Variants in KPNA6 observed in about 807,000 individuals in gnomAD.
KPNA6 encodes karyopherin subunit alpha 6, also known as importin subunit alpha-7.
KPNA6 carries 9 observed loss-of-function variants against 72.0 expected under a neutral mutation model. The observed-to-expected ratio is 0.13, with a 90% CI of 0.08 to 0.22. The LOEUF is 0.22. KPNA6 is among the 10% of genes least tolerant of loss of function. The probability of loss-of-function intolerance (pLI) is 1.00; values close to 1 mark genes in which losing one functional copy is unlikely to be tolerated. For synonymous variants in KPNA6, 219 were observed against 242.1 expected (o/e 0.90, Z 0.89); for missense variants, 374 against 655.7 (o/e 0.57, Z 4.69).
chr1:32,167,695 C>G (rs541731872), intron 12 of KPNA6, among the ~76,000 whole-genome samples: 271 of 152,132 alleles, frequency 1.8e-3, no homozygotes, highest in Non-Finnish European at 3.1e-3. Context: ...TAAGAAGACT[C>G]TGTCTCTACG....
chr1:32,120,970 G>A (rs1394114910), intron 1 of KPNA6, among the ~76,000 whole-genome samples: 1 of 151,298 alleles, frequency 6.6e-6, no homozygotes, highest in Non-Finnish European at 1.5e-5. Flanking sequence ...CTGAGTTCAA[G>A]CGTTCAAGCG....
rs1642356084 is a variant in KPNA6 at position 32,167,205 on chromosome 1, G to A, written c.1153G>A (p.Glu385Lys). Reference protein sequence around the residue: ...IDANIFPVLIEILQKAEFRTR... With the variant: ...IDANIFPVLIKILQKAEFRTR... Reference sequence around the variant, plus strand: ...TGCAAATATCTTCCCTGTGTTGATCGAAATCCTTCAGAAAGCAGAGTTTCG... The same window carrying A: ...TGCAAATATCTTCCCTGTGTTGATCAAAATCCTTCAGAAAGCAGAGTTTCG... The change falls in exon 12 of 14, where the codon GAA becomes AAA. Residue 385 changes from glutamate (E) to lysine (K), a missense_variant. By Grantham distance (56) the Glu-to-Lys change is moderately conservative. Transcript: ENST00000373625. 5 of 1,613,136 alleles carry A rather than the reference G, an allele frequency of 3.1e-6. No individual in the cohort carries two copies. The highest frequency in any genetic ancestry group is 4.2e-6 in the Non-Finnish European group (5 of 1,179,756).
rs982618492 is a variant in KPNA6 at position 32,137,273 on chromosome 1, A to T, written c.5-17315A>T. Among the ~76,000 whole-genome samples the T allele has an allele frequency of 2.0e-5, 3 of 152,224 alleles. No individual in the cohort carries two copies. The East Asian group carries it at 5.8e-4, about 29-fold the overall frequency. On this transcript the variant is annotated intron_variant, in intron 1 of 13. Transcript: ENST00000373625. ...CTCACTGTAGTCTCAAGCTCCGTTC[A>T]AGCAATCCTCCGAGCTCAGCCTCCC...
chr1:32,152,628 G>A (rs957019105), intron 1 of KPNA6, among the ~76,000 whole-genome samples: 1 of 151,640 alleles, frequency 6.6e-6, no homozygotes, highest in Middle Eastern at 3.2e-3. Context: ...GGTGGATCAC[G>A]AGGTCAAGAG....
rs769852758 is a variant in KPNA6, at chr1:32,154,655, T to C, written c.72T>C (p.Pro24=). 8 of 1,613,938 alleles carry C rather than the reference T, an allele frequency of 5.0e-6. No individual in the cohort carries two copies. The Admixed American group carries it at 1.3e-4, about 27-fold the overall frequency. ...GCTATAAGAACAATGCTCTAAACCC[T>C]GAAGAAATGAGACGAAGAAGAGAGG... is the stretch of plus-strand genomic sequence containing the variant. The part of the protein sequence containing the change: ...MKSYKNNALN[P]EEMRRRREEE... Residue 24 remains proline (P), a synonymous_variant, in exon 2 of 14, where the codon CCT becomes CCC. Transcript: ENST00000373625.
chr1:32,108,289 G>A (rs776318941), intron 1 of KPNA6, among the ~76,000 whole-genome samples, 155 bp downstream of exon 1: 14 of 152,254 alleles, frequency 9.2e-5, no homozygotes, highest in Admixed American at 2.6e-4. Flanking sequence ...CCTCTTGCCA[G>A]TTTTGGGCCG....
At chr1:32,113,384 T>G (rs971223285) in intron 1 of KPNA6, among the ~76,000 whole-genome samples, 2 of 152,134 alleles carry the variant, frequency 1.3e-5, no homozygotes, top group African/African-American at 4.8e-5. Context: ...GAGCAAGATC[T>G]TGTCTCAAAA....
chr1:32,126,907 A>G (rs185472402), intron 1 of KPNA6, among the ~76,000 whole-genome samples: 175 of 152,346 alleles, frequency 1.1e-3, no homozygotes, highest in African/African-American at 4.1e-3. Context: ...CACCTGTTCA[A>G]TAGAAAGCAA....
intron 1 of KPNA6, among the ~76,000 whole-genome samples, chr1:32,110,310 CCGTCTCGGCCTCCCA>C (rs1641223869): frequency 6.6e-6 from 1 of 151,938 alleles, no homozygotes; most frequent in Non-Finnish European, 1.5e-5. Context: ...GGTGATCTGC[CCGTCTCGGCCTCCCA>C]AAGTGCTGGG....
At chr1:32,148,525 C>G (rs1277015596) in intron 1 of KPNA6, among the ~76,000 whole-genome samples, 1 of 147,568 alleles carries the variant, frequency 6.8e-6, no homozygotes, top group African/African-American at 2.5e-5. Flanking sequence ...ATCTTCTGCT[C>G]TTAGGACTCC....
intron 3 of KPNA6, 117 bp downstream of exon 3, chr1:32,157,062 C>A: frequency 2.8e-6 from 2 of 715,598 alleles, no homozygotes; most frequent in Non-Finnish European, 4.8e-6. Flanking sequence ...GTTCTTTCCT[C>A]TGTGGACCCT....
intron 1 of KPNA6, among the ~76,000 whole-genome samples, chr1:32,138,234 A>C (rs1641774356): frequency 6.6e-6 from 1 of 151,928 alleles, no homozygotes; most frequent in Admixed American, 6.6e-5. Flanking sequence ...AGGGATTTCA[A>C]ACTTGGTTTA....
At chr1:32,135,736 G>C (rs991207422) in intron 1 of KPNA6, among the ~76,000 whole-genome samples, 2 of 150,936 alleles carry the variant, frequency 1.3e-5, no homozygotes, top group Non-Finnish European at 2.9e-5. Flanking sequence ...CCGAAGTGCT[G>C]GAATTACAGG....
chr1:32,125,735 T>C (rs1303416091), intron 1 of KPNA6, among the ~76,000 whole-genome samples: 1 of 152,162 alleles, frequency 6.6e-6, no homozygotes, highest in African/African-American at 2.4e-5. Flanking sequence ...TTTAAGAAAT[T>C]ATTCATGCCA....
chr1:32,156,985 A>C (rs778914742), intron 3 of KPNA6, 40 bp downstream of exon 3: 2 of 1,458,004 alleles, frequency 1.4e-6, no homozygotes, highest in African/African-American at 2.8e-5. Context: ...CCTGGAAAAC[A>C]CCTGCTTCTA....
chr1:32,142,624 A>G (rs1361298887), intron 1 of KPNA6, among the ~76,000 whole-genome samples: 7 of 152,212 alleles, frequency 4.6e-5, no homozygotes, highest in Admixed American at 4.6e-4. Flanking sequence ...CTAGAAATGA[A>G]AGGTGTGACT....
intron 1 of KPNA6, among the ~76,000 whole-genome samples, chr1:32,123,499 G>A (rs561562216): frequency 2.6e-5 from 4 of 152,170 alleles, no homozygotes; most frequent in Admixed American, 6.6e-5. Flanking sequence ...CCAGCACTAT[G>A]GGAGACTGAG....
rs1642468908 is a variant in KPNA6, at chr1:32,173,190, A to G, written c.*2296A>G. On this transcript the variant is annotated 3_prime_UTR_variant, in exon 14 of 14. Transcript: ENST00000373625. ...TTACAGTTTAAAAAAAAAAAAAAAA[A>G]AAAAGCCTTCCCCTACCCAACCTCC... is the stretch of plus-strand genomic sequence containing the variant. 2.5e-6 allele frequency: 1 copy of G among 397,486 alleles called. No homozygotes were observed. Among genetic ancestry groups the G allele is most frequent in the African/African-American group, 2.1e-5 (1 of 48,462 alleles). The allele number at this position is 397,486 out of a possible 1,614,324, so 24.6% of individuals were successfully genotyped here.
intron 12 of KPNA6, among the ~76,000 whole-genome samples, chr1:32,169,596 G>A (rs572081515): frequency 1.1e-4 from 17 of 149,156 alleles, no homozygotes; most frequent in Admixed American, 4.7e-4. Flanking sequence ...ACAGGTGCCC[G>A]CCACCACACC....
Sources: allele counts gnomAD v4.1 joint callset (sites outside exome capture counted in the v4.1 genomes callset), GRCh38; gene constraint gnomAD v4.1.1; transcripts MANE v1.5; gene names NCBI Gene and HGNC (gene_info 2026-07-23, HGNC 2026-07-21).